Variants in CDH2 observed in about 807,000 individuals in gnomAD.
CDH2 encodes the protein cadherin-2.
A neutral mutation model predicts 92.0 loss-of-function variants in CDH2; 17 were observed. The ratio of observed to expected loss-of-function variants is 0.18; its 90% CI spans 0.13 to 0.28. CDH2 has a LOEUF of 0.28. Ranked by LOEUF, CDH2 falls within the 10% of genes least tolerant of loss-of-function variation. The pLI, the probability that CDH2 is intolerant of heterozygous loss-of-function variation, is 1.00. For missense variants in CDH2, 862 were observed against 1,133.1 expected (o/e 0.76, Z 3.44); for synonymous variants, 419 against 415.9 (o/e 1.01, Z -0.09).
intron 2 of CDH2, among the ~76,000 whole-genome samples, chr18:28,085,535 T>A (rs1373439502): frequency 1.3e-5 from 2 of 152,246 alleles, no homozygotes; most frequent in East Asian, 3.9e-4. Context: ...TTGCAACCAC[T>A]ACCACATAGT....
Position 28,013,898 on chromosome 18 carries a change from T to A in CDH2, c.184A>T (p.Asn62Tyr). 1 of 1,611,808 alleles carries A rather than the reference T, an allele frequency of 6.2e-7. No individual in the cohort carries two copies. Residue 62 changes from asparagine to tyrosine, a missense_variant, in exon 3 of 16, where the codon AAC becomes TAC. By Grantham distance (143) the Asn-to-Tyr change is moderately radical. Coordinates refer to ENST00000269141, the MANE Select transcript of CDH2 (RefSeq NM_001792.5). ...GQPLLNVKFS[N>Y]CNGKRKVQYE... ...TGTACTTTTCTTTTTCCATTGCAGT[T>A]GCTAAACTTCACTGTAAAAGATAAG...
chr18:27,967,799 T>C (rs1288589163), intron 14 of CDH2, among the ~76,000 whole-genome samples: 1 of 152,196 alleles, frequency 6.6e-6, no homozygotes. Context: ...CTGGGGGAGT[T>C]AGTAAGAAGT....
chr18:28,071,594 A>T (rs1297681554), intron 2 of CDH2, among the ~76,000 whole-genome samples: 5 of 152,136 alleles, frequency 3.3e-5, no homozygotes, highest in Admixed American at 3.3e-4. Context: ...AAAGAATTAA[A>T]CCTATTTTAT....
intron 1 of CDH2, among the ~76,000 whole-genome samples, chr18:28,170,910 T>C (rs2016454346): frequency 6.7e-6 from 1 of 148,866 alleles, no homozygotes; most frequent in Admixed American, 6.7e-5. Flanking sequence ...CATAAATACA[T>C]GCATACCTGT....
At chr18:27,991,079 A>C (rs2012400360) in intron 9 of CDH2, among the ~76,000 whole-genome samples, 1 of 152,228 alleles carries the variant, frequency 6.6e-6, no homozygotes, top group Admixed American at 6.5e-5. Context: ...ATAACCCTTC[A>C]TGTAAATACT....
At chr18:27,952,686 A>G (rs1450730127) in intron 15 of CDH2, among the ~76,000 whole-genome samples, 2 of 152,178 alleles carry the variant, frequency 1.3e-5, no homozygotes, top group Non-Finnish European at 2.9e-5. Flanking sequence ...AGAAGAAAGG[A>G]TCTTAAATAA....
At chr18:28,143,939 T>C (rs545629162) in intron 2 of CDH2, among the ~76,000 whole-genome samples, 3 of 150,930 alleles carry the variant, frequency 2.0e-5, no homozygotes, top group Non-Finnish European at 4.4e-5. Context: ...TAAATGGGAG[T>C]TGAAATATGA....
chr18:28,002,938 T>C, intron 7 of CDH2, 59 bp downstream of exon 7: 2 of 1,401,384 alleles, frequency 1.4e-6, no homozygotes, highest in East Asian at 2.3e-5. Context: ...GTATGTGATA[T>C]GATATTGTGC....
At chr18:28,074,566 T>C (rs1359800331) in intron 2 of CDH2, among the ~76,000 whole-genome samples, 1 of 152,064 alleles carries the variant, frequency 6.6e-6, no homozygotes, top group East Asian at 1.9e-4. Flanking sequence ...TTTTTTTGGG[T>C]GTGTTTAAAA....
chr18:28,131,459 C>T (rs1250187553), intron 2 of CDH2, among the ~76,000 whole-genome samples: 1 of 152,110 alleles, frequency 6.6e-6, no homozygotes, highest in African/African-American at 2.4e-5. Flanking sequence ...AGTTACAGAA[C>T]ATTTGACAGA....
chr18:28,130,846 A>G (rs754520068), intron 2 of CDH2, among the ~76,000 whole-genome samples: 73 of 152,230 alleles, frequency 4.8e-4, no homozygotes, highest in Non-Finnish European at 8.1e-4. Context: ...AAATTTCCAT[A>G]GGAGGGTGAG....
At chr18:28,138,960 A>G (rs1277768543) in intron 2 of CDH2, among the ~76,000 whole-genome samples, 2 of 152,078 alleles carry the variant, frequency 1.3e-5, no homozygotes, top group Admixed American at 6.6e-5. Context: ...ATTCTTGCAG[A>G]AACTGGAAAA....
chr18:27,941,650 T>G (rs184389438), intron 6 of CDH2, among the ~76,000 whole-genome samples: 1 of 152,220 alleles, frequency 6.6e-6, no homozygotes, highest in Non-Finnish European at 1.5e-5. Flanking sequence ...AGCCAAAGGG[T>G]TTAAGAGGAA....
intron 6 of CDH2, among the ~76,000 whole-genome samples, chr18:27,941,129 G>A (rs996389305): frequency 2.0e-5 from 3 of 148,070 alleles, no homozygotes; most frequent in Admixed American, 6.9e-5. Flanking sequence ...TCTGCCTCCC[G>A]GGTTCACGCC....
At chr18:27,990,833 C>T (rs1250003275) in intron 9 of CDH2, among the ~76,000 whole-genome samples, 9 of 152,144 alleles carry the variant, frequency 5.9e-5, no homozygotes, top group Admixed American at 5.9e-4. Flanking sequence ...TACAGCTAAA[C>T]TTATTTGATT....
chr18:27,992,641 C>G lies in CDH2; in HGVS notation c.1344+14G>C. ...GCAGCTGTTGGAGAGATCAGTGGCC[C>G]GAGGAACACTTACTTTGACCACGGT... is the stretch of plus-strand genomic sequence containing the variant. On this transcript the variant is annotated intron_variant, in intron 9 of 15. Transcript: ENST00000269141. The G allele has an allele frequency of 1.9e-6, 3 of 1,601,544 alleles. No homozygotes were observed. The highest frequency in any genetic ancestry group is 1.7e-6 in the Non-Finnish European group (2 of 1,172,922).
At chr18:28,023,013 AT>A (rs1329809326) in intron 2 of CDH2, among the ~76,000 whole-genome samples, 1 of 152,064 alleles carries the variant, frequency 6.6e-6, no homozygotes, top group Non-Finnish European at 1.5e-5. Context: ...CACACAATGT[AT>A]TTTTTTAATT....
At chr18:28,125,595 G>A (rs2015663714) in intron 2 of CDH2, among the ~76,000 whole-genome samples, 1 of 152,064 alleles carries the variant, frequency 6.6e-6, no homozygotes, top group Admixed American at 6.5e-5. Flanking sequence ...AAATTCACTT[G>A]ATTTAAGAAA....
chr18:28,078,740 AC>A (rs1347168097), intron 2 of CDH2, among the ~76,000 whole-genome samples: 2 of 151,544 alleles, frequency 1.3e-5, no homozygotes, highest in Admixed American at 6.6e-5. Context: ...ACCTTTTAAG[AC>A]CCTAACATGT....
Sources: gnomAD v4.1 joint callset for allele counts (sites outside exome capture counted in the v4.1 genomes callset) on GRCh38, gnomAD v4.1.1 for gene constraint, MANE v1.5 for transcripts, NCBI Gene and HGNC (gene_info 2026-07-23, HGNC 2026-07-21) for gene names.